The following SUPT3H variants were observed in gnomAD, a reference collection of about 807,000 sequenced individuals.
The protein encoded by SUPT3H is transcription initiation protein SPT3 homolog.
Under a neutral mutation model 44.3 loss-of-function variants are expected in SUPT3H, and 44 were observed. The observed-to-expected ratio is 0.99, with a 90% CI of 0.78 to 1.28. The LOEUF is 1.28. Ranked by LOEUF, SUPT3H falls within the 50% of genes most tolerant of loss-of-function variation. SUPT3H has a pLI of 0.00. For synonymous variants in SUPT3H, 124 were observed against 125.6 expected (o/e 0.99, Z 0.09); for missense variants, 380 against 387.1 (o/e 0.98, Z 0.15).
At chr6:45,261,594 A>G (rs1156575533) in intron 2 of SUPT3H, among the ~76,000 whole-genome samples, 1 of 152,164 alleles carries the variant, frequency 6.6e-6, no homozygotes, top group Non-Finnish European at 1.5e-5. Context: ...AGTAAGAATC[A>G]TCTATGGCAA....
intron 11 of SUPT3H, among the ~76,000 whole-genome samples, chr6:44,813,953 G>A (rs912471874): frequency 6.6e-6 from 1 of 151,942 alleles, no homozygotes; most frequent in South Asian, 2.1e-4. Flanking sequence ...TAAAAAAATC[G>A]ATGAAAAATA....
chr6:45,191,258 T>A (rs974590900), intron 2 of SUPT3H, among the ~76,000 whole-genome samples: 17 of 152,014 alleles, frequency 1.1e-4, no homozygotes, highest in African/African-American at 4.1e-4. Flanking sequence ...TACCAAGCCA[T>A]GAAAAGACAT....
chr6:45,254,566 A>T (rs1428671481), intron 2 of SUPT3H, among the ~76,000 whole-genome samples: 3 of 152,214 alleles, frequency 2.0e-5, no homozygotes, highest in African/African-American at 7.2e-5. Flanking sequence ...TATTGTTCTG[A>T]TAAGGAATAA....
intron 9 of SUPT3H, among the ~76,000 whole-genome samples, chr6:44,945,022 T>C (rs1450928735): frequency 6.6e-6 from 1 of 152,036 alleles, no homozygotes; most frequent in Non-Finnish European, 1.5e-5. Context: ...TCCAAAAGCA[T>C]ATACGTGTCC....
At chr6:45,148,731 C>A (rs1283753576) in intron 2 of SUPT3H, among the ~76,000 whole-genome samples, 1 of 152,066 alleles carries the variant, frequency 6.6e-6, no homozygotes, top group Non-Finnish European at 1.5e-5. Flanking sequence ...ATATAAAGTG[C>A]CAAATATATT....
At chr6:44,991,110 G>A (rs550391745) in intron 6 of SUPT3H, among the ~76,000 whole-genome samples, 2 of 151,882 alleles carry the variant, frequency 1.3e-5, no homozygotes, top group South Asian at 4.2e-4. Flanking sequence ...CTTTCTTCAA[G>A]GTAGGACATG....
At chr6:45,271,142 C>A (rs1776073376) in intron 2 of SUPT3H, among the ~76,000 whole-genome samples, 1 of 152,166 alleles carries the variant, frequency 6.6e-6, no homozygotes, top group Non-Finnish European at 1.5e-5. Flanking sequence ...AAATGTGCAG[C>A]CTGACAATGC....
chr6:44,941,366 G>A (rs1772399485), intron 9 of SUPT3H, among the ~76,000 whole-genome samples: 1 of 152,046 alleles, frequency 6.6e-6, no homozygotes, highest in Admixed American at 6.6e-5. Context: ...CCTGGGAAAA[G>A]CTATTTCTCC....
intron 6 of SUPT3H, among the ~76,000 whole-genome samples, chr6:44,973,211 T>C (rs553990604): frequency 1.3e-5 from 2 of 152,308 alleles, no homozygotes; most frequent in South Asian, 4.1e-4. Context: ...ACCTCTTGAA[T>C]GACTTGTTGC....
intron 2 of SUPT3H, 40 bp downstream of exon 2, chr6:45,365,161 T>G (rs1794914135): frequency 8.1e-7 from 1 of 1,232,252 alleles, no homozygotes; most frequent in Non-Finnish European, 1.1e-6. Context: ...ATGAATAAAT[T>G]TAAAATAGTA....
intron 2 of SUPT3H, among the ~76,000 whole-genome samples, chr6:45,196,803 G>A (rs544407915): frequency 6.6e-6 from 1 of 151,972 alleles, no homozygotes; most frequent in South Asian, 2.1e-4. Flanking sequence ...TCCATAAAAA[G>A]TGTGACAACT....
intron 10 of SUPT3H, among the ~76,000 whole-genome samples, chr6:44,834,313 C>T (rs1414471154): frequency 6.6e-6 from 1 of 152,090 alleles, no homozygotes; most frequent in Non-Finnish European, 1.5e-5. Context: ...GTAAATTTAA[C>T]ATGGAAGAGG....
At chr6:45,252,918 C>T (rs896731086) in intron 2 of SUPT3H, among the ~76,000 whole-genome samples, 1 of 151,974 alleles carries the variant, frequency 6.6e-6, no homozygotes, top group African/African-American at 2.4e-5. Context: ...CAAAAACTAA[C>T]AAGCATTAAT....
chr6:45,083,424 T>A (rs1032341266), intron 3 of SUPT3H, among the ~76,000 whole-genome samples: 1 of 151,798 alleles, frequency 6.6e-6, no homozygotes, highest in Non-Finnish European at 1.5e-5. Flanking sequence ...ACTCCTGACC[T>A]CATAATCCAC....
intron 3 of SUPT3H, among the ~76,000 whole-genome samples, chr6:45,105,419 T>G (rs886659210): frequency 2.0e-5 from 3 of 152,152 alleles, no homozygotes; most frequent in Non-Finnish European, 2.9e-5. Context: ...TTTTTTAAAT[T>G]TTTTAACTTT....
intron 2 of SUPT3H, among the ~76,000 whole-genome samples, chr6:45,181,899 ATAAT>A (rs985506348): frequency 5.3e-5 from 7 of 131,842 alleles, no homozygotes; most frequent in African/African-American, 1.9e-4. Context: ...AAATAAATAA[ATAAT>A]AAAACTATAC....
At chr6:45,311,466 C>T (rs1435739543) in intron 2 of SUPT3H, among the ~76,000 whole-genome samples, 1 of 152,144 alleles carries the variant, frequency 6.6e-6, no homozygotes, top group Non-Finnish European at 1.5e-5. Flanking sequence ...CAAAAAAACA[C>T]CTGGGAAATT....
intron 2 of SUPT3H, among the ~76,000 whole-genome samples, chr6:45,305,255 C>G (rs183505816): frequency 1.5e-3 from 229 of 152,290 alleles, no homozygotes; most frequent in African/African-American, 5.2e-3. Flanking sequence ...ATCTCACCAC[C>G]TGTATTACAT....
At chr6:44,853,388 G>A (rs1458355128) in intron 10 of SUPT3H, among the ~76,000 whole-genome samples, 1 of 152,196 alleles carries the variant, frequency 6.6e-6, no homozygotes, top group South Asian at 2.1e-4. Flanking sequence ...TGGTGCATGA[G>A]GTGGCTTATG....
Sources: allele counts gnomAD v4.1 joint callset (sites outside exome capture counted in the v4.1 genomes callset), GRCh38; gene constraint gnomAD v4.1.1; transcripts MANE v1.5; gene names NCBI Gene and HGNC (gene_info 2026-07-23, HGNC 2026-07-21).